Variants in ETV6 observed in about 807,000 individuals in gnomAD.
ETV6 encodes the protein ETS variant transcription factor 6, also known as transcription factor ETV6.
A neutral mutation model predicts 51.1 loss-of-function variants in ETV6; 16 were observed. That is an observed-to-expected ratio of 0.31 (90% CI 0.21 to 0.48). The LOEUF (loss-of-function observed/expected upper bound fraction) is 0.48. ETV6 is among the 20% of genes least tolerant of loss of function. ETV6 has a pLI of 0.99. For missense variants in ETV6, 458 were observed against 594.8 expected (o/e 0.77, Z 2.39); for synonymous variants, 240 against 224.1 (o/e 1.07, Z -0.64).
intron 1 of ETV6, among the ~76,000 whole-genome samples, chr12:11,703,318 T>C (rs1212133542): frequency 6.6e-6 from 1 of 151,886 alleles, no homozygotes; most frequent in Admixed American, 6.6e-5. Flanking sequence ...CAGTCCTTAT[T>C]TTTTCGTTTT....
chr12:11,765,311 A>C (rs1945147029), intron 2 of ETV6, among the ~76,000 whole-genome samples: 1 of 152,104 alleles, frequency 6.6e-6, no homozygotes, highest in African/African-American at 2.4e-5. Flanking sequence ...ATTCCAATGC[A>C]ATCTAATTGC....
At chr12:11,653,875 C>T (rs1022448569) in intron 1 of ETV6, among the ~76,000 whole-genome samples, 6 of 152,082 alleles carry the variant, frequency 3.9e-5, no homozygotes, top group East Asian at 1.9e-4. Flanking sequence ...TTCAGTGGTG[C>T]GATCTTGGCT....
In ETV6 at chr12:11,678,732, G is replaced by A. The variant is rs115585871; in HGVS notation, c.33+28572G>A. Among the ~76,000 whole-genome samples, 1,114 of 152,308 alleles carry A rather than the reference G, an allele frequency of 7.3e-3. 10 individuals are homozygous for A. The highest frequency in any genetic ancestry group is 0.025 in the African/African-American group (1,038 of 41,552). On this transcript the variant is annotated intron_variant, in intron 1 of 7. Coordinates refer to ENST00000396373, the MANE Select transcript of ETV6 (RefSeq NM_001987.5). ...ATCTGCAAGTTGGAGACCCAGGAAA[G>A]CCACTGGTGTCATTCAATCAGAGTC...
intron 2 of ETV6, among the ~76,000 whole-genome samples, chr12:11,802,179 C>T (rs1945760103): frequency 6.6e-6 from 1 of 152,196 alleles, no homozygotes; most frequent in African/African-American, 2.4e-5. Flanking sequence ...GATGGGATGG[C>T]CCTTCCCTGC....
intron 1 of ETV6, among the ~76,000 whole-genome samples, chr12:11,650,582 C>T (rs1193518624): frequency 6.8e-6 from 1 of 146,970 alleles, no homozygotes; most frequent in Admixed American, 6.9e-5. Context: ...GGGTGGTCGT[C>T]TTAGAAAAAA....
chr12:11,853,648 G>A lies in ETV6; in HGVS notation c.463+87G>A, dbSNP rs1051969230. On this transcript the variant is annotated intron_variant, in intron 4 of 7. Transcript: ENST00000396373. ...TTAACTTGATAAGCTGGTCTTCTTC[G>A]TGTAAGTTCACTTTTCATTCAGTAG... The A allele has an allele frequency of 2.0e-5, 30 of 1,466,576 alleles. No individual in the cohort carries two copies. In the Admixed American group the frequency reaches 3.2e-4, roughly 16 times the overall value. 90.8% of individuals were successfully genotyped at this position (1,466,576 alleles called of 1,614,324 possible).
intron 1 of ETV6, chr12:11,751,366 T>TA: frequency 1.2e-5 from 6 of 519,058 alleles, no homozygotes; most frequent in Non-Finnish European, 1.2e-5. Context: ...AGTGGCATCT[T>TA]ACTGGTCTTT....
chr12:11,738,196 TGC>T (rs1865740147), intron 1 of ETV6, among the ~76,000 whole-genome samples: 1 of 151,258 alleles, frequency 6.6e-6, no homozygotes, highest in Non-Finnish European at 1.5e-5. Context: ...CTTGCTTGCT[TGC>T]TTTCTCCTTC....
At chr12:11,807,458 C>CT (rs1945845444) in intron 2 of ETV6, among the ~76,000 whole-genome samples, 1 of 152,156 alleles carries the variant, frequency 6.6e-6, no homozygotes, top group South Asian at 2.1e-4. Context: ...GGGCAGGAAT[C>CT]TTTAAGTTTT....
At chr12:11,823,032 G>T (rs949774141) in intron 2 of ETV6, among the ~76,000 whole-genome samples, 1 of 152,176 alleles carries the variant, frequency 6.6e-6, no homozygotes, top group African/African-American at 2.4e-5. Context: ...CTTCCAAATA[G>T]ACAAGACTCC....
intron 1 of ETV6, among the ~76,000 whole-genome samples, chr12:11,656,590 A>T (rs1368340342): frequency 6.6e-6 from 1 of 152,188 alleles, no homozygotes; most frequent in Non-Finnish European, 1.5e-5. Flanking sequence ...TATTTACCCC[A>T]GTCTCTAATG....
intron 2 of ETV6, among the ~76,000 whole-genome samples, chr12:11,756,006 C>T (rs1945000465): frequency 6.6e-6 from 1 of 152,174 alleles, no homozygotes; most frequent in Non-Finnish European, 1.5e-5. Flanking sequence ...GGTTCTCATA[C>T]AGAGAGTTTC....
intron 1 of ETV6, among the ~76,000 whole-genome samples, chr12:11,712,829 A>G (rs1250453020): frequency 1.3e-5 from 2 of 152,202 alleles, no homozygotes; most frequent in Non-Finnish European, 2.9e-5. Context: ...TGACACCTGA[A>G]ATCAACCATC....
intron 2 of ETV6, among the ~76,000 whole-genome samples, chr12:11,773,229 T>C (rs772970186): frequency 6.6e-6 from 1 of 151,268 alleles, no homozygotes; most frequent in Non-Finnish European, 1.5e-5. Context: ...CTTGATCTTA[T>C]TGCCTTGTCA....
chr12:11,718,663 A>G (rs932919394), intron 1 of ETV6, among the ~76,000 whole-genome samples: 1 of 151,660 alleles, frequency 6.6e-6, no homozygotes, highest in Non-Finnish European at 1.5e-5. Flanking sequence ...AGTCCCAGCT[A>G]CTTGGGAGGC....
chr12:11,799,489 A>C (rs1483497291), intron 2 of ETV6, among the ~76,000 whole-genome samples: 4 of 152,202 alleles, frequency 2.6e-5, no homozygotes, highest in Non-Finnish European at 4.4e-5. Context: ...ATCCCAACTT[A>C]AGTATGAAAG....
intron 3 of ETV6, among the ~76,000 whole-genome samples, chr12:11,851,246 TA>T: frequency 6.6e-6 from 1 of 151,812 alleles, no homozygotes; most frequent in South Asian, 2.1e-4. Context: ...TTTTTTTTTT[TA>T]GTAATAGTAA....
At chr12:11,738,260 C>T (rs1440937287) in intron 1 of ETV6, among the ~76,000 whole-genome samples, 1 of 145,856 alleles carries the variant, frequency 6.9e-6, no homozygotes, top group Non-Finnish European at 1.5e-5. Context: ...CTCCTTCCTT[C>T]CTCTCTCTTT....
chr12:11,779,012 C>T (rs570148440), intron 2 of ETV6, among the ~76,000 whole-genome samples: 4 of 152,312 alleles, frequency 2.6e-5, no homozygotes. Context: ...TAGATACTAG[C>T]GTGGCTTTTG....
Sources: allele counts gnomAD v4.1 joint callset (sites outside exome capture counted in the v4.1 genomes callset), GRCh38; gene constraint gnomAD v4.1.1; transcripts MANE v1.5; gene names NCBI Gene and HGNC (gene_info 2026-07-23, HGNC 2026-07-21).